COL10A1: variants seen among roughly 807,000 people sequenced by gnomAD.
The protein encoded by COL10A1 is collagen type X alpha 1 chain.
A neutral mutation model predicts 18.2 loss-of-function variants in COL10A1; 10 were observed. That is an observed-to-expected ratio of 0.55 (90% CI 0.34 to 0.93). COL10A1 has a LOEUF of 0.93. Among genes scored for constraint, COL10A1 ranks in the 40% least tolerant of loss-of-function variants. COL10A1 has a pLI of 0.02. For synonymous variants in COL10A1, 330 were observed against 316.6 expected (o/e 1.04, Z -0.45); for missense variants, 897 against 853.5 (o/e 1.05, Z -0.64).
chr6:116,197,405 C>T, the COL10A1 span, among the ~76,000 whole-genome samples: 1 of 151,982 alleles, frequency 6.6e-6, no homozygotes, highest in Non-Finnish European at 1.5e-5. Flanking sequence ...ATTTAAAATG[C>T]TAAGCAGAAT....
At position 116,119,893 on chromosome 6, in the gene COL10A1, C is replaced by T. The variant is rs912753001; in HGVS notation, c.*180G>A. On this transcript the variant is annotated 3_prime_UTR_variant, in exon 3 of 3. Coordinates refer to ENST00000651968, the MANE Select transcript of COL10A1 (RefSeq NM_000493.4). ...AGAAATTCAAGAGAGGCTTCACATA[C>T]GTTTTTACGTTGCTGCTCACTTTTC... 27 of 626,334 alleles carry T rather than the reference C, an allele frequency of 4.3e-5. No homozygotes were observed. The highest frequency in any genetic ancestry group is 1.7e-4 in the Admixed American group (6 of 36,080). 38.8% of individuals were successfully genotyped at this position (626,334 alleles called of 1,614,324 possible).
At position 116,121,669 on chromosome 6, in the gene COL10A1, C is replaced by T. The variant is rs560942887; in HGVS notation, c.447G>A (p.Pro149=). ...GTTTTCCTGGCACAGAAATTCCAGC[C>T]GGTCCAGGGATTCCAGGTGGTCCTG... ...GPPGPPGIPG[P]AGISVPGKPG... The change falls in exon 3 of 3, where the codon CCG becomes CCA. Residue 149 remains proline (P), a synonymous_variant. Coordinates refer to ENST00000651968, the MANE Select transcript of COL10A1 (RefSeq NM_000493.4). The T allele has an allele frequency of 4.0e-5, 64 of 1,613,800 alleles. No individual in the cohort carries two copies. Among genetic ancestry groups the T allele is most frequent in the Admixed American group, 2.0e-4 (12 of 60,016 alleles).
chr6:116,198,322 A>G, the COL10A1 span, among the ~76,000 whole-genome samples: 528 of 152,206 alleles, frequency 3.5e-3, 2 homozygotes, highest in African/African-American at 0.012. Flanking sequence ...ATGATGGCTT[A>G]TATGGAGATA....
At chr6:116,182,558 AT>A in the COL10A1 span, among the ~76,000 whole-genome samples, 1 of 151,452 alleles carries the variant, frequency 6.6e-6, no homozygotes, top group East Asian at 1.9e-4. Context: ...ATTTTTTTTT[AT>A]TTTTTGATTA....
the COL10A1 span, among the ~76,000 whole-genome samples, chr6:116,189,942 AG>A: frequency 6.6e-6 from 1 of 152,040 alleles, no homozygotes; most frequent in Non-Finnish European, 1.5e-5. Flanking sequence ...TCAATAAAGA[AG>A]TAAATGTTTG....
rs73772269 is a variant in COL10A1 at position 116,136,767 on chromosome 6, G to T, written c.-15-11260C>A. ...CACAGATAACAATAAGCTATTCTTG[G>T]CCTTAGTTCCAACGGTTTGGAATCT... On this transcript the variant is annotated intron_variant, in intron 1 of 1. Coordinates refer to the COL10A1 transcript ENST00000418500. Among the ~76,000 whole-genome samples the T allele has an allele frequency of 4.9e-3, 740 of 152,178 alleles. 11 individuals carry two copies. The highest frequency in any genetic ancestry group is 0.043 in the South Asian group (207 of 4,822).
the COL10A1 span, among the ~76,000 whole-genome samples, chr6:116,201,581 A>T: frequency 1.3e-5 from 2 of 151,994 alleles, no homozygotes; most frequent in Admixed American, 1.3e-4. Flanking sequence ...TGATGATATT[A>T]AAAGTCTTGG....
intron 1 of COL10A1, among the ~76,000 whole-genome samples, chr6:116,133,207 T>C (rs1779512257): frequency 6.6e-6 from 1 of 152,172 alleles, no homozygotes; most frequent in South Asian, 2.1e-4. Flanking sequence ...AAATATAGAA[T>C]GTCTTGGCCC....
the COL10A1 span, among the ~76,000 whole-genome samples, chr6:116,176,224 T>G: frequency 6.6e-6 from 1 of 152,280 alleles, no homozygotes; most frequent in Non-Finnish European, 1.5e-5. Context: ...GCTGGCTAAG[T>G]TTTCCTCAGG....
intron 1 of COL10A1, among the ~76,000 whole-genome samples, chr6:116,137,818 A>T (rs1228085657): frequency 6.6e-6 from 1 of 152,214 alleles, no homozygotes; most frequent in African/African-American, 2.4e-5. Flanking sequence ...GCACTGGCTT[A>T]TGCCTGTAAT....
Position 116,138,363 on chromosome 6 carries a change from T to C in COL10A1, c.-15-12856A>G, listed in dbSNP as rs191019010. The stretch of plus-strand genomic sequence containing the variant: ...AATTCCAAGAATAGCACTACTTAAC[T>C]AGGAACTACTGTGTTGGCTATTCCT... On this transcript the variant is annotated intron_variant, in intron 1 of 1. Transcript: ENST00000418500. 3.1e-4 allele frequency among the ~76,000 whole-genome samples: 47 copies of C among 152,344 alleles called. 1 individual carries two copies. The East Asian group carries it at 8.5e-3, about 27-fold the overall frequency.
At chr6:116,160,407 A>G (rs993318667), upstream of COL10A1, among the ~76,000 whole-genome samples, 2 of 152,058 alleles carry the variant, frequency 1.3e-5, no homozygotes, top group Non-Finnish European at 2.9e-5. Flanking sequence ...GGTCACTTGT[A>G]TGTCTTATTT....
At chr6:116,202,685 A>T in the COL10A1 span, among the ~76,000 whole-genome samples, 1,755 of 152,112 alleles carry the variant, frequency 0.012, 34 homozygotes, top group African/African-American at 0.04. Flanking sequence ...GCATTCTGAG[A>T]TTATAGTCTA....
chr6:116,121,922 G>A lies in COL10A1; in HGVS notation c.194C>T (p.Pro65Leu). ...GTGCCCTCGAGGTCCAGCAGGGCCT[G>A]GTGGACCAGGAGTACCTTGCTCTCC... ...VRGEQGTPGPPGPAGPRGHPG... is the reference protein window; with the variant it reads ...VRGEQGTPGPLGPAGPRGHPG... Residue 65 changes from proline to leucine, a missense_variant, in exon 3 of 3, where the codon CCA becomes CTA. Coordinates refer to ENST00000651968, the MANE Select transcript of COL10A1 (RefSeq NM_000493.4). 6.2e-7 allele frequency: 1 copy of A among 1,613,676 alleles called. No homozygotes were observed. Among genetic ancestry groups the A allele is most frequent in the African/African-American group, 1.3e-5 (1 of 74,988 alleles).
the COL10A1 span, among the ~76,000 whole-genome samples, chr6:116,184,455 A>T: frequency 6.6e-6 from 1 of 151,918 alleles, no homozygotes; most frequent in African/African-American, 2.4e-5. Flanking sequence ...AATAGTGTCA[A>T]TTGGATTGGT....
At chr6:116,198,287 A>G in the COL10A1 span, among the ~76,000 whole-genome samples, 1 of 152,094 alleles carries the variant, frequency 6.6e-6, no homozygotes, top group Non-Finnish European at 1.5e-5. Context: ...ATCCTGAAAC[A>G]GAAAACAGTC....
upstream of COL10A1, among the ~76,000 whole-genome samples, chr6:116,161,094 A>G (rs1780317368): frequency 6.6e-6 from 1 of 151,418 alleles, no homozygotes; most frequent in Non-Finnish European, 1.5e-5. Context: ...CGTAAGAACA[A>G]AAAACCAAAC....
At chr6:116,158,737 G>A (rs1323257440) in exon 1 of COL10A1, 1 of 152,188 alleles carries the variant, frequency 6.6e-6, no homozygotes, top group Non-Finnish European at 1.5e-5. Context: ...GATCCCAGGA[G>A]GGGTAAAAAC....
rs867375704 is a variant in COL10A1, at chr6:116,147,999, T to G, written c.-16+10615A>C. Among the ~76,000 whole-genome samples, 104 of 141,362 alleles carry G rather than the reference T, an allele frequency of 7.4e-4. 1 individual carries two copies. The South Asian group carries it at 0.014, about 19-fold the overall frequency. The allele number at this position is 141,362 out of a possible 152,430, so 92.7% of individuals were successfully genotyped here. A position where few individuals can be genotyped will look rare whatever the true frequency, so the allele number is the denominator to read the frequency against. On this transcript the variant is annotated intron_variant, in intron 1 of 1. Transcript: ENST00000418500. ...GACTCTGTCTCAAAAAAAAAAAAGG[T>G]GGGGGGGGTTGGAGGCACCTTGTTG...
Sources: gnomAD v4.1 joint callset for allele counts (sites outside exome capture counted in the v4.1 genomes callset) on GRCh38, gnomAD v4.1.1 for gene constraint, MANE v1.5 for transcripts, NCBI Gene and HGNC (gene_info 2026-07-23, HGNC 2026-07-21) for gene names.